The following EEF1A2 variants were observed in gnomAD, a reference collection of about 807,000 sequenced individuals.
EEF1A2 encodes the protein elongation factor 1-alpha 2.
In EEF1A2, 5 loss-of-function variants were observed where a neutral mutation model predicts 39.3. The observed-to-expected ratio is 0.13, with a 90% CI of 0.07 to 0.27. The LOEUF (loss-of-function observed/expected upper bound fraction) is 0.27, where lower values mean the gene tolerates loss of function less well. Among genes scored for constraint, EEF1A2 ranks in the 10% least tolerant of loss-of-function variants. The pLI is 1.00. For missense variants in EEF1A2, 218 were observed against 681.4 expected (o/e 0.32, Z 7.57); for synonymous variants, 287 against 293.7 (o/e 0.98, Z 0.23).
At position 63,498,086 on chromosome 20, in the gene EEF1A2, G is replaced by A. The variant is rs1031155691; in HGVS notation, c.-71-252C>T. The A allele has an allele frequency of 4.4e-5, 11 of 250,568 alleles. No individual in the cohort carries two copies. The highest frequency in any genetic ancestry group is 2.2e-4 in the African/African-American group (10 of 44,730). The allele number at this position is 250,568 out of a possible 1,614,324, so 15.5% of individuals were successfully genotyped here. A position where few individuals can be genotyped will look rare whatever the true frequency, so the allele number is the denominator to read the frequency against. On this transcript the variant is annotated intron_variant, in intron 1 of 7. Transcript: ENST00000217182. This position sits in a 1 kb window ranked among gnomAD's most constrained non-coding sequence, Gnocchi z 4.1. ...TAAATAACTGGGCGTTGGAGCCCGCGGGCTGCTCCTTGGGAAGGGGTTAGC... is the reference window on the plus strand; with the variant it reads ...TAAATAACTGGGCGTTGGAGCCCGCAGGCTGCTCCTTGGGAAGGGGTTAGC...
rs2082417254 is a variant in EEF1A2 at position 63,496,354 on chromosome 20, G to T, written c.145-319C>A. 14 of 356,714 alleles carry T rather than the reference G, an allele frequency of 3.9e-5. No homozygotes were observed. In the South Asian group the frequency reaches 5.6e-4, roughly 14 times the overall value. The allele number at this position is 356,714 out of a possible 1,614,324, so 22.1% of individuals were successfully genotyped here. A position where few individuals can be genotyped will look rare whatever the true frequency, so the allele number is the denominator to read the frequency against. The stretch of plus-strand genomic sequence containing the variant: ...GATGGGATAAACCCCTCCCGGGCGA[G>T]GGCTCCCCTTTATCTGAAGCTGCGG... On this transcript the variant is annotated intron_variant, in intron 2 of 7. Transcript: ENST00000217182.
intron 5 of EEF1A2, among the ~76,000 whole-genome samples, chr20:63,492,885 G>A (rs1466268529): frequency 4.0e-5 from 6 of 148,906 alleles, no homozygotes; most frequent in African/African-American, 9.9e-5. Context: ...TGGATGGATC[G>A]ATGGATGGAT....
chr20:63,488,510 CCG>C, intron 7 of EEF1A2, 85 bp from the exon 8 acceptor site: 2 of 1,310,930 alleles, frequency 1.5e-6, no homozygotes, highest in South Asian at 3.8e-5. Context: ...GGGGGCGCAA[CCG>C]CGTCGGGAAT....
chr20:63,490,387 C>T (rs1345148296), intron 6 of EEF1A2, 92 bp downstream of exon 6: 22 of 1,495,470 alleles, frequency 1.5e-5, no homozygotes, highest in African/African-American at 1.2e-4. Context: ...TTTCTCCCCA[C>T]GCCAGGCCAC....
intron 5 of EEF1A2, 43 bp from the exon 6 acceptor site, chr20:63,490,778 G>A: frequency 6.4e-7 from 1 of 1,568,332 alleles, no homozygotes; most frequent in Non-Finnish European, 8.6e-7. Context: ...GGGCCCGAGG[G>A]GATGCTGGGG....
intron 3 of EEF1A2, 73 bp downstream of exon 3, chr20:63,495,783 C>A: frequency 6.4e-7 from 1 of 1,560,632 alleles, no homozygotes; most frequent in Non-Finnish European, 8.7e-7. Flanking sequence ...TCCCAGTGAC[C>A]CCAGGGGCCC....
rs562277798 is a variant in EEF1A2, at chr20:63,498,488, G to A, written c.-72+570C>T. ...GGGGTCCCTGTTCCAGCCTGAGGAA[G>A]GAGGACCCGGCCCTGCCGAGCCCAG... On this transcript the variant is annotated intron_variant, in intron 1 of 7. Coordinates refer to ENST00000217182, the MANE Select transcript of EEF1A2 (RefSeq NM_001958.5). The surrounding 1 kb of genome is among the most constrained non-coding windows in gnomAD (Gnocchi z 4.1). 5.4e-4 allele frequency: 83 copies of A among 152,766 alleles called. No homozygotes were observed. The highest frequency in any genetic ancestry group is 1.9e-3 in the African/African-American group (79 of 41,584). The allele number at this position is 152,766 out of a possible 1,614,324, so 9.5% of individuals were successfully genotyped here.
At chr20:63,495,764 A>G in intron 3 of EEF1A2, 92 bp downstream of exon 3, 1 of 1,492,372 alleles carries the variant, frequency 6.7e-7, no homozygotes, top group Non-Finnish European at 9.0e-7. Flanking sequence ...AGCACAGGAG[A>G]CCCTACCATC....
chr20:63,497,902 G>C lies in EEF1A2; in HGVS notation c.-71-68C>G, dbSNP rs2082425670. 1 of 1,201,792 alleles carries C rather than the reference G, an allele frequency of 8.3e-7. No homozygotes were observed. The highest frequency in any genetic ancestry group is 1.1e-6 in the Non-Finnish European group (1 of 869,716). The allele number at this position is 1,201,792 out of a possible 1,614,324, so 74.4% of individuals were successfully genotyped here. ...CCAGGGGGAGACACCAGCAGAGACT[G>C]TCCTGGCACAGGCTGGACAGGCATC... On this transcript the variant is annotated intron_variant, in intron 1 of 7. Transcript: ENST00000217182. The surrounding 1 kb of genome is among the most constrained non-coding windows in gnomAD (Gnocchi z 7.3).
In EEF1A2 at chr20:63,498,907, G is replaced by A. The variant is rs2082430886; in HGVS notation, c.-72+151C>T. On this transcript the variant is annotated intron_variant, in intron 1 of 7. Transcript: ENST00000217182. This position sits in a 1 kb window ranked among gnomAD's most constrained non-coding sequence, Gnocchi z 4.1. ...CGCCCCCCACCCCGGGCCCAGCCCG[G>A]CCGACGCGGGGACCCCCGGAAGCCG... Among the ~76,000 whole-genome samples, 1 of 149,706 alleles carries A rather than the reference G, an allele frequency of 6.7e-6. No homozygotes were observed. Among genetic ancestry groups the A allele is most frequent in the Non-Finnish European group, 1.5e-5 (1 of 67,226 alleles).
chr20:63,490,836 G>C, intron 5 of EEF1A2, 101 bp from the exon 6 acceptor site: 1 of 1,401,488 alleles, frequency 7.1e-7, no homozygotes, highest in South Asian at 1.3e-5. Flanking sequence ...CCTGGGACTG[G>C]ATCCCCCCGA....
At position 63,497,537 on chromosome 20, in the gene EEF1A2, G is replaced by C; in HGVS notation, c.144+83C>G. 1 of 1,544,996 alleles carries C rather than the reference G, an allele frequency of 6.5e-7. No homozygotes were observed. The highest frequency in any genetic ancestry group is 1.7e-4 in the Middle Eastern group (1 of 5,738). ...GAGGTCACCTGAGCCCCATGCCCTGGGGCTGGGAGATGCCAAGCCTGGCCA... is the reference window on the plus strand; with the variant it reads ...GAGGTCACCTGAGCCCCATGCCCTGCGGCTGGGAGATGCCAAGCCTGGCCA... On this transcript the variant is annotated intron_variant, in intron 2 of 7. Coordinates refer to ENST00000217182, the MANE Select transcript of EEF1A2 (RefSeq NM_001958.5). This position sits in a 1 kb window ranked among gnomAD's most constrained non-coding sequence, Gnocchi z 7.3.
chr20:63,488,927 G>C lies in EEF1A2; in HGVS notation c.1255C>G (p.Pro419Ala). The C allele has an allele frequency of 6.2e-7, 1 of 1,609,948 alleles. No homozygotes were observed. Among genetic ancestry groups the C allele is most frequent in the Non-Finnish European group, 8.5e-7 (1 of 1,178,888 alleles). Residue 419 changes from proline (P) to alanine (A), a missense_variant, in exon 7 of 8, where the codon CCG (proline) becomes GCG (alanine). By Grantham distance (27) the Pro-to-Ala change is conservative. This residue lies in a region of EEF1A2 where 80 missense variants were observed against 295.9 expected (regional missense o/e 0.27). Coordinates refer to ENST00000217182, the MANE Select transcript of EEF1A2 (RefSeq NM_001958.5). ...GACCACCCCGGCTCACCGAGAGGCG[G>C]GTACTGGGAGAAGCTCTCCACACAC... Reference protein sequence around the residue: ...PMCVESFSQYPPLGRFAVRDM... With the variant: ...PMCVESFSQYAPLGRFAVRDM...
At chr20:63,493,886 C>G (rs1319862361) in intron 4 of EEF1A2, among the ~76,000 whole-genome samples, 3 of 152,266 alleles carry the variant, frequency 2.0e-5, no homozygotes, top group Non-Finnish European at 4.4e-5. Context: ...CACGAGCCAC[C>G]TAGCAGCTCA....
chr20:63,492,561 G>A (rs1402648313), intron 5 of EEF1A2, among the ~76,000 whole-genome samples: 1 of 150,664 alleles, frequency 6.6e-6, no homozygotes, highest in Non-Finnish European at 1.5e-5. Context: ...TAGAGAGAAG[G>A]ATGGATGGGT....
At position 63,498,575 on chromosome 20, in the gene EEF1A2, C is replaced by G. The variant is rs566469478; in HGVS notation, c.-72+483G>C. On this transcript the variant is annotated intron_variant, in intron 1 of 7. Transcript: ENST00000217182. The surrounding 1 kb of genome is among the most constrained non-coding windows in gnomAD (Gnocchi z 4.1). ...GTATAGGGGGCACCCTCCCTCCCCC[C>G]CTCCCTGTGACTCAGGACCCTGGGT... 4 of 149,782 alleles carry G rather than the reference C, an allele frequency of 2.7e-5. No individual in the cohort carries two copies. The highest frequency in any genetic ancestry group is 6.6e-5 in the Admixed American group (1 of 15,232). 9.3% of individuals were successfully genotyped at this position (149,782 alleles called of 1,614,324 possible).
intron 2 of EEF1A2, 176 bp from the exon 3 acceptor site, chr20:63,496,211 A>G (rs1323397570): frequency 2.7e-6 from 2 of 739,426 alleles, no homozygotes; most frequent in Non-Finnish European, 4.3e-6. Flanking sequence ...CCCCACACCC[A>G]GACCCTGCCC....
chr20:63,489,614 A>G (rs2082369056), intron 6 of EEF1A2, among the ~76,000 whole-genome samples: 1 of 152,050 alleles, frequency 6.6e-6, no homozygotes, highest in Admixed American at 6.6e-5. Context: ...GAAACCCCGT[A>G]TCTACTAATA....
Position 63,495,475 on chromosome 20 carries a change from G to A in EEF1A2, c.325-374C>T, listed in dbSNP as rs763637613. Among the ~76,000 whole-genome samples, 17 of 152,306 alleles carry A rather than the reference G, an allele frequency of 1.1e-4. No individual in the cohort carries two copies. The East Asian group carries it at 1.3e-3, about 12-fold the overall frequency. On this transcript the variant is annotated intron_variant, in intron 3 of 7. Coordinates refer to ENST00000217182, the MANE Select transcript of EEF1A2 (RefSeq NM_001958.5). The stretch of plus-strand genomic sequence containing the variant: ...GCAGGGTGCTGTGTCTGGGGTGTCC[G>A]TGCGTCTCTGTGAGTGCCCTGAAAT...
Sources: gnomAD v4.1 joint callset for allele counts (sites outside exome capture counted in the v4.1 genomes callset) on GRCh38, gnomAD v4.1.1 for gene constraint, gnomAD v4.1.1 regional missense constraint, Gnocchi (gnomAD v3.1) non-coding constraint, MANE v1.5 for transcripts, NCBI Gene and HGNC (gene_info 2026-07-23, HGNC 2026-07-21) for gene names.